The following GUCY1A2 variants were observed in gnomAD, a reference collection of about 807,000 sequenced individuals.
GUCY1A2 encodes the protein guanylate cyclase soluble subunit alpha-2.
A neutral mutation model predicts 63.5 loss-of-function variants in GUCY1A2; 27 were observed. That is an observed-to-expected ratio of 0.43 (90% CI 0.31 to 0.59). GUCY1A2 has a LOEUF of 0.59. GUCY1A2 is among the 20% of genes least tolerant of loss of function. GUCY1A2 has a pLI of 0.11. For missense variants in GUCY1A2, 768 were observed against 913.3 expected (o/e 0.84, Z 2.05); for synonymous variants, 364 against 343.5 (o/e 1.06, Z -0.66).
At chr11:106,990,043 TCTA>T (rs1861451170) in intron 1 of GUCY1A2, among the ~76,000 whole-genome samples, 1 of 152,128 alleles carries the variant, frequency 6.6e-6, no homozygotes, top group African/African-American at 2.4e-5. Context: ...AAGGAGAAAA[TCTA>T]CTGTTCCTAC....
chr11:106,928,169 G>A (rs2119933216), intron 4 of GUCY1A2, among the ~76,000 whole-genome samples: 1 of 152,280 alleles, frequency 6.6e-6, no homozygotes, highest in Non-Finnish European at 1.5e-5. Context: ...TATGTTCACA[G>A]AGAGAAAGAG....
chr11:106,714,459 T>C (rs189623001), intron 6 of GUCY1A2, among the ~76,000 whole-genome samples: 3 of 152,298 alleles, frequency 2.0e-5, no homozygotes, highest in African/African-American at 7.2e-5. Flanking sequence ...AATTGTTGCC[T>C]ATATAAGGAA....
At chr11:106,811,528 T>C (rs577437535) in intron 4 of GUCY1A2, among the ~76,000 whole-genome samples, 1 of 152,242 alleles carries the variant, frequency 6.6e-6, no homozygotes, top group South Asian at 2.1e-4. Context: ...TTTCCTGTTT[T>C]CTTTATAGCT....
At chr11:106,805,932 T>C (rs551977718) in intron 5 of GUCY1A2, among the ~76,000 whole-genome samples, 1 of 152,348 alleles carries the variant, frequency 6.6e-6, no homozygotes, top group African/African-American at 2.4e-5. Context: ...ACTTGTGAGC[T>C]ACATTATCTG....
intron 4 of GUCY1A2, among the ~76,000 whole-genome samples, chr11:106,923,873 G>A (rs768808986): frequency 2.6e-5 from 4 of 152,028 alleles, no homozygotes; most frequent in Admixed American, 6.5e-5. Context: ...GGAAATTTTC[G>A]TGGGGTAAAA....
intron 6 of GUCY1A2, among the ~76,000 whole-genome samples, chr11:106,740,063 A>G (rs1224351766): frequency 6.8e-6 from 1 of 147,936 alleles, no homozygotes; most frequent in East Asian, 2.0e-4. Flanking sequence ...GCAATGGCAC[A>G]TCTCAGCTCA....
intron 3 of GUCY1A2, among the ~76,000 whole-genome samples, chr11:106,957,741 C>CA (rs989741102): frequency 2.0e-5 from 3 of 150,868 alleles, no homozygotes; most frequent in Non-Finnish European, 3.0e-5. Context: ...GCCCCGCCTC[C>CA]AAAAAAAATG....
chr11:106,889,064 A>C (rs1859940627), intron 4 of GUCY1A2, among the ~76,000 whole-genome samples: 1 of 152,180 alleles, frequency 6.6e-6, no homozygotes, highest in Non-Finnish European at 1.5e-5. Context: ...GTATCTCTTA[A>C]CATAGTAAGC....
At position 106,810,374 on chromosome 11, in the gene GUCY1A2, C is replaced by T; in HGVS notation, c.1311G>A (p.Gly437=). The change falls in exon 5 of 8, where the codon GGG becomes GGA. Residue 437 remains glycine (G), a synonymous_variant. Transcript: ENST00000526355. The part of the protein sequence containing the change: ...VDKLDELMGR[G]LHLSDIPIHD... ...GGATAGGGATGTCTGAGAGATGTAGCCCTCGGCCCATGAGTTCATCCAACT... is the reference window on the plus strand; with the variant it reads ...GGATAGGGATGTCTGAGAGATGTAGTCCTCGGCCCATGAGTTCATCCAACT... 5 of 1,613,802 alleles carry T rather than the reference C, an allele frequency of 3.1e-6. No homozygotes were observed. The South Asian group carries it at 4.4e-5, about 14-fold the overall frequency.
At chr11:106,845,965 A>C (rs762379247) in intron 4 of GUCY1A2, among the ~76,000 whole-genome samples, 9 of 151,672 alleles carry the variant, frequency 5.9e-5, no homozygotes, top group Non-Finnish European at 1.3e-4. Flanking sequence ...AGGATAAACT[A>C]CTATTTTGTA....
intron 4 of GUCY1A2, among the ~76,000 whole-genome samples, chr11:106,831,203 T>C (rs1356078253): frequency 2.6e-5 from 4 of 152,178 alleles, no homozygotes; most frequent in Non-Finnish European, 5.9e-5. Flanking sequence ...AAGTGCCACA[T>C]AAATCATAAT....
chr11:106,871,286 C>T (rs751646689), intron 4 of GUCY1A2, among the ~76,000 whole-genome samples: 3 of 152,166 alleles, frequency 2.0e-5, no homozygotes, highest in South Asian at 2.1e-4. Flanking sequence ...AATGAAATGT[C>T]GACATTAGCG....
chr11:106,996,052 A>G (rs1861530330), intron 1 of GUCY1A2, among the ~76,000 whole-genome samples: 1 of 152,216 alleles, frequency 6.6e-6, no homozygotes, highest in African/African-American at 2.4e-5. Context: ...AAACAAAGAG[A>G]TATGCTGTCA....
At position 106,758,502 on chromosome 11, in the gene GUCY1A2, C is replaced by G. The variant is rs142953550; in HGVS notation, c.1836+17937G>C. 6.6e-3 allele frequency among the ~76,000 whole-genome samples: 998 copies of G among 152,312 alleles called. 12 individuals carry two copies. Among genetic ancestry groups the G allele is most frequent in the African/African-American group, 0.022 (906 of 41,578 alleles). On this transcript the variant is annotated intron_variant, in intron 6 of 7. Coordinates refer to ENST00000526355, the MANE Select transcript of GUCY1A2 (RefSeq NM_000855.3). Reference sequence around the variant, plus strand: ...CCTGCTTCGGTTCGCCCTCCATAGGCTGCACCCACTGTCCAACCAGTCTCA... The same window carrying G: ...CCTGCTTCGGTTCGCCCTCCATAGGGTGCACCCACTGTCCAACCAGTCTCA...
chr11:106,832,684 A>T (rs1859067894), intron 4 of GUCY1A2, among the ~76,000 whole-genome samples: 1 of 152,140 alleles, frequency 6.6e-6, no homozygotes, highest in African/African-American at 2.4e-5. Flanking sequence ...CTGCCCTGCC[A>T]TGCAATGTTT....
chr11:106,949,520 T>A (rs1445914171), intron 3 of GUCY1A2, among the ~76,000 whole-genome samples: 3 of 152,208 alleles, frequency 2.0e-5, no homozygotes, highest in African/African-American at 7.2e-5. Context: ...TTATTTTGCA[T>A]ATCTTCACAC....
intron 3 of GUCY1A2, among the ~76,000 whole-genome samples, chr11:106,961,807 A>C (rs1861061763): frequency 6.6e-6 from 1 of 152,224 alleles, no homozygotes; most frequent in Admixed American, 6.5e-5. Flanking sequence ...ACAGTGAATC[A>C]GTTGGCTTGG....
At chr11:106,716,541 G>A (rs956641867) in intron 6 of GUCY1A2, among the ~76,000 whole-genome samples, 11 of 151,952 alleles carry the variant, frequency 7.2e-5, no homozygotes, top group African/African-American at 2.7e-4. Flanking sequence ...CAGGTTTGGT[G>A]GGACTGACGC....
chr11:106,696,944 AT>A lies in GUCY1A2; in HGVS notation c.1992-9189del, dbSNP rs552492548. On this transcript the variant is annotated intron_variant, in intron 7 of 7. Coordinates refer to ENST00000526355, the MANE Select transcript of GUCY1A2 (RefSeq NM_000855.3). Reference sequence around the variant, plus strand: ...AGATAGAGACAAATTAGTTGATGGCATTAGTTAAGTCGCTTAAATTCTCTGG... The same window carrying A: ...AGATAGAGACAAATTAGTTGATGGCATAGTTAAGTCGCTTAAATTCTCTGG... Among the ~76,000 whole-genome samples the A allele has an allele frequency of 2.5e-3, 385 of 152,304 alleles. 4 individuals are homozygous for A. The highest frequency in any genetic ancestry group is 7.8e-3 in the African/African-American group (325 of 41,580).
Sources: allele counts gnomAD v4.1 joint callset (sites outside exome capture counted in the v4.1 genomes callset), GRCh38; gene constraint gnomAD v4.1.1; transcripts MANE v1.5; gene names NCBI Gene and HGNC (gene_info 2026-07-23, HGNC 2026-07-21).